Variants in CSMD1 observed in about 807,000 individuals in gnomAD.
CSMD1 encodes CUB and sushi domain-containing protein 1.
A neutral mutation model predicts 417.5 loss-of-function variants in CSMD1; 213 were observed. That is an observed-to-expected ratio of 0.51 (90% confidence interval 0.46 to 0.57). CSMD1 has a LOEUF of 0.57. Among genes scored for constraint, CSMD1 ranks in the 20% least tolerant of loss-of-function variants. CSMD1 has a pLI of 0.00. For missense variants in CSMD1, 6,923 were observed against 4,529.7 expected (o/e 1.53, Z -15.17); for synonymous variants, 2,862 against 1,736.8 (o/e 1.65, Z -16.11).
intron 26 of CSMD1, among the ~76,000 whole-genome samples, chr8:3,263,559 C>T (rs1013434552): frequency 6.6e-6 from 1 of 152,066 alleles, no homozygotes; most frequent in Non-Finnish European, 1.5e-5. Flanking sequence ...GTAATACATT[C>T]AAGTAATTTT....
At chr8:3,493,555 T>A (rs943949682) in intron 11 of CSMD1, 68 bp downstream of exon 11, 1 of 1,326,768 alleles carries the variant, frequency 7.5e-7, no homozygotes, top group Non-Finnish European at 1.1e-6. Flanking sequence ...TGTAGCAGAA[T>A]CTCATCTCCA....
chr8:3,752,022 G>T (rs995626998), intron 6 of CSMD1, among the ~76,000 whole-genome samples: 1 of 152,162 alleles, frequency 6.6e-6, no homozygotes. Context: ...AAGAGAAAGT[G>T]CAGACAGAAT....
intron 3 of CSMD1, among the ~76,000 whole-genome samples, chr8:4,414,156 T>C (rs1796800557): frequency 6.6e-6 from 1 of 152,190 alleles, no homozygotes; most frequent in Admixed American, 6.5e-5. Context: ...AAATAAAGCT[T>C]TGAGCTTGAA....
Position 3,188,077 on chromosome 8 carries a change from CATATGTATATGTATATATAT to C in CSMD1, c.5524-132_5524-113del, listed in dbSNP as rs1563124826. On this transcript the variant is annotated intron_variant, in intron 35 of 69. Coordinates refer to ENST00000635120, the MANE Select transcript of CSMD1 (RefSeq NM_033225.6). ...TAAGGTGTATATGTATATATATATA[CATATGTATATGTATATATAT>C]ATACATATACACCTTAATAATGCCT... is the stretch of plus-strand genomic sequence containing the variant. 2,415 of 387,644 alleles carry C rather than the reference CATATGTATATGTATATATAT, an allele frequency of 6.2e-3. 54 individuals carry two copies. Among genetic ancestry groups the C allele is most frequent in the African/African-American group, 0.046 (2,114 of 46,022 alleles). The allele number at this position is 387,644 out of a possible 1,614,324, so 24.0% of individuals were successfully genotyped here. A position where few individuals can be genotyped will look rare whatever the true frequency, so the allele number is the denominator to read the frequency against.
intron 3 of CSMD1, among the ~76,000 whole-genome samples, chr8:4,351,090 CA>C (rs374531593): frequency 6.6e-6 from 1 of 151,960 alleles, no homozygotes; most frequent in Non-Finnish European, 1.5e-5. Flanking sequence ...AGTCTGAAGC[CA>C]GAGGATCGCC....
intron 8 of CSMD1, among the ~76,000 whole-genome samples, chr8:3,589,211 T>C (rs1800735631): frequency 6.6e-6 from 1 of 152,118 alleles, no homozygotes; most frequent in Non-Finnish European, 1.5e-5. Flanking sequence ...ATAGAACTAC[T>C]ACATGATCTA....
At chr8:3,465,407 G>A (rs556998712) in intron 12 of CSMD1, among the ~76,000 whole-genome samples, 4 of 152,244 alleles carry the variant, frequency 2.6e-5, no homozygotes, top group East Asian at 1.9e-4. Context: ...CTACGAGCCC[G>A]GGAATGATGG....
intron 2 of CSMD1, among the ~76,000 whole-genome samples, chr8:4,427,500 C>G (rs1023436233): frequency 6.6e-6 from 1 of 151,932 alleles, no homozygotes; most frequent in Non-Finnish European, 1.5e-5. Flanking sequence ...CACACACACA[C>G]ACACACACAC....
At chr8:3,189,057 G>C (rs762659308) in intron 34 of CSMD1, 46 bp from the exon 35 acceptor site, 4 of 1,566,244 alleles carry the variant, frequency 2.6e-6, no homozygotes, top group Non-Finnish European at 1.7e-6. Context: ...CTGTGGGACA[G>C]TGTTGATTTG....
intron 23 of CSMD1, among the ~76,000 whole-genome samples, chr8:3,335,285 G>T (rs186080104): frequency 2.6e-5 from 4 of 152,104 alleles, no homozygotes; most frequent in Non-Finnish European, 4.4e-5. Flanking sequence ...TGTGATGACC[G>T]TGCCATGAAG....
chr8:4,097,721 G>A (rs1003014212), intron 3 of CSMD1, among the ~76,000 whole-genome samples: 1 of 152,158 alleles, frequency 6.6e-6, no homozygotes, highest in African/African-American at 2.4e-5. Context: ...TCAACATAAG[G>A]TTAATACTTA....
rs758631199 is a variant in CSMD1, at chr8:3,108,707, C to A, written c.6650G>T (p.Ser2217Ile). Residue 2217 changes from serine to isoleucine, a missense_variant, in exon 44 of 70, where the codon AGT becomes ATT. By Grantham distance (142) the Ser-to-Ile change is moderately radical. Transcript: ENST00000635120. Reference protein sequence around the residue: ...DQNSPQLGVFSGNTALETAYS... With the variant: ...DQNSPQLGVFIGNTALETAYS... ...CGCCGTTTCGAGGGCTGTGTTGCCA[C>A]TGAAAACTCCCAGCTGGGGTGAGTT... The A allele has an allele frequency of 3.1e-6, 5 of 1,613,610 alleles. No individual in the cohort carries two copies. Among genetic ancestry groups the A allele is most frequent in the Non-Finnish European group, 3.4e-6 (4 of 1,179,726 alleles).
intron 3 of CSMD1, among the ~76,000 whole-genome samples, chr8:4,191,291 G>C (rs1032578819): frequency 6.6e-6 from 1 of 152,110 alleles, no homozygotes; most frequent in Admixed American, 6.5e-5. Flanking sequence ...AGCTACTCGG[G>C]AGGCTGAGGC....
intron 49 of CSMD1, among the ~76,000 whole-genome samples, chr8:3,068,773 A>G (rs968581703): frequency 2.6e-5 from 4 of 152,138 alleles, no homozygotes; most frequent in Non-Finnish European, 5.9e-5. Flanking sequence ...GAAGACAGCA[A>G]TAAGTCGTGA....
intron 1 of CSMD1, among the ~76,000 whole-genome samples, chr8:4,935,453 G>C (rs1407774209): frequency 5.3e-5 from 8 of 152,210 alleles, no homozygotes; most frequent in Non-Finnish European, 1.0e-4. Flanking sequence ...AAGACTAACA[G>C]TTACCAGAAA....
At chr8:3,120,348 T>C (rs961911532) in intron 41 of CSMD1, among the ~76,000 whole-genome samples, 1 of 152,132 alleles carries the variant, frequency 6.6e-6, no homozygotes, top group Non-Finnish European at 1.5e-5. Context: ...TGTGAGAACA[T>C]ATGGAAGACA....
chr8:3,679,944 A>G (rs1435034141), intron 7 of CSMD1, among the ~76,000 whole-genome samples: 1 of 152,248 alleles, frequency 6.6e-6, no homozygotes, highest in Non-Finnish European at 1.5e-5. Context: ...TACTGGGTAC[A>G]TAACGAAATG....
intron 2 of CSMD1, among the ~76,000 whole-genome samples, chr8:4,525,672 G>C (rs573852561): frequency 6.6e-6 from 1 of 152,158 alleles, no homozygotes; most frequent in Admixed American, 6.5e-5. Context: ...AATTACTTTT[G>C]CACCAACCTA....
chr8:3,273,369 TC>T (rs1240877880), intron 26 of CSMD1, among the ~76,000 whole-genome samples: 5 of 152,168 alleles, frequency 3.3e-5, no homozygotes, highest in African/African-American at 1.2e-4. Flanking sequence ...TCAATGTTCA[TC>T]AAGGATATTG....
Sources: gnomAD v4.1 joint callset for allele counts (sites outside exome capture counted in the v4.1 genomes callset) on GRCh38, gnomAD v4.1.1 for gene constraint, MANE v1.5 for transcripts, NCBI Gene and HGNC (gene_info 2026-07-23, HGNC 2026-07-21) for gene names.